Variants in SUPT3H observed in about 807,000 individuals in gnomAD.
SUPT3H encodes SPT3 homolog, SAGA and STAGA complex component.
Under a neutral mutation model 44.3 loss-of-function variants are expected in SUPT3H, and 44 were observed. That is an observed-to-expected ratio of 0.99 (90% CI 0.78 to 1.28). The LOEUF (loss-of-function observed/expected upper bound fraction) is 1.28, where lower values mean the gene tolerates loss of function less well. SUPT3H is among the 50% of genes most tolerant of loss of function. The pLI is 0.00. For missense variants in SUPT3H, 380 were observed against 387.1 expected, an observed-to-expected ratio of 0.98 and a Z score of 0.15; for synonymous variants, 124 against 125.6, an observed-to-expected ratio of 0.99 and a Z score of 0.09.
rs187857958 is a variant in SUPT3H, at chr6:45,054,723, T to A, written c.187-34091A>T. Among the ~76,000 whole-genome samples, 69 of 152,254 alleles carry A rather than the reference T, an allele frequency of 4.5e-4. 1 individual carries two copies. The highest frequency in any genetic ancestry group is 1.4e-3 in the South Asian group (7 of 4,828). On this transcript the variant is annotated intron_variant, in intron 3 of 10. Coordinates refer to ENST00000371459, the MANE Select transcript of SUPT3H (RefSeq NM_003599.4). ...ACATGCACCAGGTTACATGCATGCT[T>A]AGGAAAGACCAGAAAAGTCCTCAGC...
chr6:45,091,002 T>A (rs1026851613), intron 3 of SUPT3H, among the ~76,000 whole-genome samples: 1 of 152,086 alleles, frequency 6.6e-6, no homozygotes, highest in Admixed American at 6.5e-5. Flanking sequence ...AAGCAAGCAA[T>A]AATATGGTTG....
At position 45,079,451 on chromosome 6, in the gene SUPT3H, A is replaced by G. The variant is rs1795485670; in HGVS notation, c.186+26471T>C. On this transcript the variant is annotated intron_variant, in intron 3 of 10. Coordinates refer to ENST00000371459, the MANE Select transcript of SUPT3H (RefSeq NM_003599.4). The stretch of plus-strand genomic sequence containing the variant: ...GGGAAGAGGAGGAAGAAGAAGGGGG[A>G]AGAGGAGGAAGAAGAAGGGGAAAGG... 4.7e-5 allele frequency among the ~76,000 whole-genome samples: 7 copies of G among 148,914 alleles called. No homozygotes were observed. In the South Asian group the frequency reaches 1.5e-3, roughly 32 times the overall value.
chr6:44,876,767 C>T (rs1366317704), intron 10 of SUPT3H, among the ~76,000 whole-genome samples: 1 of 110,662 alleles, frequency 9.0e-6, no homozygotes, highest in African/African-American at 3.4e-5. Flanking sequence ...AAAATGAAAA[C>T]ACAAAAGCAA....
chr6:45,076,920 T>C (rs1031578028), intron 3 of SUPT3H, among the ~76,000 whole-genome samples: 3 of 152,192 alleles, frequency 2.0e-5, no homozygotes, highest in African/African-American at 7.2e-5. Context: ...AAACTTTAAA[T>C]GGCTCTAAAT....
intron 2 of SUPT3H, among the ~76,000 whole-genome samples, chr6:45,121,660 T>G (rs1175957219): frequency 6.6e-6 from 1 of 152,116 alleles, no homozygotes; most frequent in African/African-American, 2.4e-5. Context: ...TTATAGATTT[T>G]TTTTGGGTTT....
intron 2 of SUPT3H, among the ~76,000 whole-genome samples, chr6:45,155,892 T>C (rs1232572231): frequency 6.6e-6 from 1 of 152,124 alleles, no homozygotes; most frequent in Non-Finnish European, 1.5e-5. Flanking sequence ...ATATAAATGA[T>C]AGGCCAATCT....
chr6:44,988,519 TAAAAAAAAAAA>T (rs66489332), intron 6 of SUPT3H, among the ~76,000 whole-genome samples: 2 of 100,204 alleles, frequency 2.0e-5, no homozygotes, highest in African/African-American at 3.9e-5. Flanking sequence ...AAGGCTTAAA[TAAAAAAAAAAA>T]AAAAAAAAAA....
At chr6:45,274,609 T>G (rs775313385) in intron 2 of SUPT3H, among the ~76,000 whole-genome samples, 1 of 152,202 alleles carries the variant, frequency 6.6e-6, no homozygotes, top group African/African-American at 2.4e-5. Flanking sequence ...AGCTGGGAAC[T>G]GCAGCTCATG....
chr6:45,283,379 G>A (rs901084340), intron 2 of SUPT3H, among the ~76,000 whole-genome samples: 3 of 152,016 alleles, frequency 2.0e-5, no homozygotes, highest in African/African-American at 4.8e-5. Context: ...CAAAATAAAG[G>A]GATGGAGGAA....
Position 44,958,543 on chromosome 6 carries a change from G to T in SUPT3H, c.580+3210C>A, listed in dbSNP as rs376587473. Among the ~76,000 whole-genome samples, 44 of 152,210 alleles carry T rather than the reference G, an allele frequency of 2.9e-4. No homozygotes were observed. In the South Asian group the frequency reaches 8.5e-3, roughly 29 times the overall value. Reference sequence around the variant, plus strand: ...TCCTTTCCTTTATACATATTTATGGGCAACTACTTGGGCCAGTGTGTTCAT... The same window carrying T: ...TCCTTTCCTTTATACATATTTATGGTCAACTACTTGGGCCAGTGTGTTCAT... On this transcript the variant is annotated intron_variant, in intron 7 of 10. Coordinates refer to ENST00000371459, the MANE Select transcript of SUPT3H (RefSeq NM_003599.4).
intron 3 of SUPT3H, among the ~76,000 whole-genome samples, chr6:45,072,511 G>A (rs1794516824): frequency 6.6e-6 from 1 of 151,940 alleles, no homozygotes; most frequent in South Asian, 2.1e-4. Context: ...CAAAAAACTA[G>A]ACCTTGGCTT....
chr6:44,910,635 A>G (rs2153452715), intron 10 of SUPT3H, among the ~76,000 whole-genome samples: 1 of 152,228 alleles, frequency 6.6e-6, no homozygotes, highest in South Asian at 2.1e-4. Flanking sequence ...TAATTAGGCA[A>G]ATATTTTCAT....
intron 10 of SUPT3H, among the ~76,000 whole-genome samples, chr6:44,912,239 C>T (rs546120368): frequency 6.6e-6 from 1 of 152,226 alleles, no homozygotes; most frequent in East Asian, 1.9e-4. Context: ...GCAATAATTC[C>T]TCCTCTTCCC....
intron 2 of SUPT3H, among the ~76,000 whole-genome samples, chr6:45,252,397 T>C (rs1772529114): frequency 6.6e-6 from 1 of 152,212 alleles, no homozygotes; most frequent in Non-Finnish European, 1.5e-5. Flanking sequence ...TTATTTCTAT[T>C]AATGAAATAA....
intron 2 of SUPT3H, among the ~76,000 whole-genome samples, chr6:45,160,528 A>T (rs1249315812): frequency 2.0e-5 from 3 of 152,118 alleles, no homozygotes; most frequent in Non-Finnish European, 4.4e-5. Context: ...AACTAAAAAT[A>T]TTGTTTTAGC....
intron 11 of SUPT3H, among the ~76,000 whole-genome samples, chr6:44,817,493 A>AG (rs1766990850): frequency 6.6e-6 from 1 of 152,158 alleles, no homozygotes; most frequent in Non-Finnish European, 1.5e-5. Context: ...TAAGACATGA[A>AG]GAAGAAATAA....
intron 10 of SUPT3H, among the ~76,000 whole-genome samples, chr6:44,915,849 T>C (rs1179721996): frequency 6.6e-6 from 1 of 152,102 alleles, no homozygotes; most frequent in Non-Finnish European, 1.5e-5. Flanking sequence ...TTGATTGATG[T>C]CTCATGTCTC....
chr6:44,954,612 C>T lies in SUPT3H; in HGVS notation c.581-5G>A. ...GAAATTTGGAAGCTTTTTTGGCTGGCCATTTAAAAAAAACAAGTGCAGAAA... is the reference window on the plus strand; with the variant it reads ...GAAATTTGGAAGCTTTTTTGGCTGGTCATTTAAAAAAAACAAGTGCAGAAA... On this transcript the variant is annotated splice_polypyrimidine_tract_variant and splice_region_variant and intron_variant, in intron 7 of 10. Coordinates refer to ENST00000371459, the MANE Select transcript of SUPT3H (RefSeq NM_003599.4). 1 of 1,591,690 alleles carries T rather than the reference C, an allele frequency of 6.3e-7. No individual in the cohort carries two copies. Among genetic ancestry groups the T allele is most frequent in the Non-Finnish European group, 8.6e-7 (1 of 1,164,022 alleles).
At chr6:45,214,697 A>G (rs12192890) in intron 2 of SUPT3H, among the ~76,000 whole-genome samples, 34,533 of 152,048 alleles carry the variant, frequency 0.23, 4,603 homozygotes, top group Non-Finnish European at 0.31. Context: ...AATTTATTTC[A>G]TGTTAGCTGA....
Sources: gnomAD v4.1 joint callset for allele counts (sites outside exome capture counted in the v4.1 genomes callset) on GRCh38, gnomAD v4.1.1 for gene constraint, MANE v1.5 for transcripts, NCBI Gene and HGNC (gene_info 2026-07-23, HGNC 2026-07-21) for gene names.